CYP8B1: variants seen among roughly 807,000 people sequenced by gnomAD.
CYP8B1 encodes the protein 7-alpha-hydroxycholest-4-en-3-one 12-alpha-hydroxylase.
For missense variants in CYP8B1, 594 were observed against 643.7 expected, an observed-to-expected ratio of 0.92 and a Z score of 0.84; for synonymous variants, 221 against 251.2, an observed-to-expected ratio of 0.88 and a Z score of 1.14.
chr3:42,874,726 T>C lies in CYP8B1; in HGVS notation c.1091A>G (p.Tyr364Cys). 1 of 1,614,090 alleles carries C rather than the reference T, an allele frequency of 6.2e-7. No homozygotes were observed. The highest frequency in any genetic ancestry group is 8.5e-7 in the Non-Finnish European group (1 of 1,180,012). The change falls in exon 1 of 1, where the codon TAT becomes TGT. Residue 364 changes from tyrosine (Y) to cysteine (C), a missense_variant. Physicochemically the swap from Tyr to Cys is radical, Grantham distance 194. Coordinates refer to ENST00000316161, the MANE Select transcript of CYP8B1 (RefSeq NM_004391.3). ...CTGCCCACTGGACATCTTCAGGGTA[T>C]AGTCTTCATGAACCAACCTGAGGAG... ...PTLLRLVHEDYTLKMSSGQEY... is the reference protein window; with the variant it reads ...PTLLRLVHEDCTLKMSSGQEY...
At position 42,873,942 on chromosome 3, in the gene CYP8B1, T is replaced by C. The variant is rs1222291595; in HGVS notation, c.*369A>G. On this transcript the variant is annotated 3_prime_UTR_variant, in exon 1 of 1. Transcript: ENST00000316161. Reference sequence around the variant, plus strand: ...AAAAAACTAAAGCAAGCTGGGAGAGTGGAGGCTGATGTTTGCAAGATGCCA... The same window carrying C: ...AAAAAACTAAAGCAAGCTGGGAGAGCGGAGGCTGATGTTTGCAAGATGCCA... 5 of 234,290 alleles carry C rather than the reference T, an allele frequency of 2.1e-5. No homozygotes were observed. Among genetic ancestry groups the C allele is most frequent in the Non-Finnish European group, 4.1e-5 (5 of 120,514 alleles). The allele number at this position is 234,290 out of a possible 1,614,324, so 14.5% of individuals were successfully genotyped here. A position where few individuals can be genotyped will look rare whatever the true frequency, so the allele number is the denominator to read the frequency against.
chr3:42,875,792 C>T lies in CYP8B1; in HGVS notation c.25G>A (p.Gly9Arg). The change falls in exon 1 of 1, where the codon GGA (glycine) becomes AGA (arginine). Residue 9 changes from glycine (G) to arginine (R), a missense_variant. Physicochemically the swap from Gly to Arg is moderately radical, Grantham distance 125. Coordinates refer to ENST00000316161, the MANE Select transcript of CYP8B1 (RefSeq NM_004391.3). ...CCAGCAATGACCACCAGCAGAGCTC[C>T]CAGCACTGGACCCCAGAGAACCATG... MVLWGPVL[G>R]ALLVVIAGYL... 1 of 1,394,484 alleles carries T rather than the reference C, an allele frequency of 7.2e-7. No individual in the cohort carries two copies. The highest frequency in any genetic ancestry group is 9.3e-7 in the Non-Finnish European group (1 of 1,069,864). The allele number at this position is 1,394,484 out of a possible 1,614,324, so 86.4% of individuals were successfully genotyped here. A position where few individuals can be genotyped will look rare whatever the true frequency, so the allele number is the denominator to read the frequency against.
At position 42,872,869 on chromosome 3, in the gene CYP8B1, A is replaced by T. The variant is rs1482030727; in HGVS notation, c.*1442T>A. ...GTGTTCTGAGCAGAGAGAGCAGGGAAATCAGGAGGAGGAGTGGTTCAGGGA... is the reference window on the plus strand; with the variant it reads ...GTGTTCTGAGCAGAGAGAGCAGGGATATCAGGAGGAGGAGTGGTTCAGGGA... On this transcript the variant is annotated 3_prime_UTR_variant, in exon 1 of 1. Coordinates refer to ENST00000316161, the MANE Select transcript of CYP8B1 (RefSeq NM_004391.3). 6.6e-6 allele frequency: 1 copy of T among 152,526 alleles called. No individual in the cohort carries two copies. The highest frequency in any genetic ancestry group is 1.5e-5 in the Non-Finnish European group (1 of 68,378). The allele number at this position is 152,526 out of a possible 1,614,324, so 9.4% of individuals were successfully genotyped here. A position where few individuals can be genotyped will look rare whatever the true frequency, so the allele number is the denominator to read the frequency against.
rs749998299 is a variant in CYP8B1 at position 42,874,415 on chromosome 3, G to A, written c.1402C>T (p.Pro468Ser). ...TCAACATGGGGTAGTGGTGTGTCAG[G>A]GTCCACCAACTCTAAGTCAAAGTGT... The part of the protein sequence containing the change: ...VTHFDLELVD[P>S]DTPLPHVDPQ... The change falls in exon 1 of 1, where the codon CCT becomes TCT. Residue 468 changes from proline to serine, a missense_variant. By Grantham distance (74) the Pro-to-Ser change is moderately conservative (BLOSUM62 -1). Transcript: ENST00000316161. 1.2e-6 allele frequency: 2 copies of A among 1,613,902 alleles called. No individual in the cohort carries two copies. The highest frequency in any genetic ancestry group is 1.3e-5 in the African/African-American group (1 of 74,840).
At position 42,873,139 on chromosome 3, in the gene CYP8B1, T is replaced by G. The variant is rs1450615513; in HGVS notation, c.*1172A>C. Reference sequence around the variant, plus strand: ...GGCTCATGCCTGTAATCCCAGAACTTTGGGAGGCCGAGGAGGCCGGCCAAA... The same window carrying G: ...GGCTCATGCCTGTAATCCCAGAACTGTGGGAGGCCGAGGAGGCCGGCCAAA... On this transcript the variant is annotated 3_prime_UTR_variant, in exon 1 of 1. Coordinates refer to ENST00000316161, the MANE Select transcript of CYP8B1 (RefSeq NM_004391.3). The G allele has an allele frequency of 2.6e-5, 4 of 152,078 alleles. No individual in the cohort carries two copies. Among genetic ancestry groups the G allele is most frequent in the African/African-American group, 9.7e-5 (4 of 41,374 alleles). The allele number at this position is 152,078 out of a possible 1,614,324, so 9.4% of individuals were successfully genotyped here.
At position 42,875,839 on chromosome 3, in the gene CYP8B1, C is replaced by G; in HGVS notation, c.-23G>C. The stretch of plus-strand genomic sequence containing the variant: ...CATGGCTATGCTCCTGCGGATTAAG[C>G]TCTCGACACGCACACTGTTCCCTGG... On this transcript the variant is annotated 5_prime_UTR_variant, in exon 1 of 1. Transcript: ENST00000316161. 7.4e-7 allele frequency: 1 copy of G among 1,344,836 alleles called. No homozygotes were observed. Among genetic ancestry groups the G allele is most frequent in the Non-Finnish European group, 9.6e-7 (1 of 1,041,682 alleles). 83.3% of individuals were successfully genotyped at this position (1,344,836 alleles called of 1,614,324 possible). A position where few individuals can be genotyped will look rare whatever the true frequency, so the allele number is the denominator to read the frequency against.
Position 42,872,283 on chromosome 3 carries a change from G to A in CYP8B1, c.*2028C>T, listed in dbSNP as rs1476819898. ...CCAGTAGGCTCCAGTCTAGGGAAGT[G>A]GGCAGCAGGCAGAAACCAAGACACA... On this transcript the variant is annotated 3_prime_UTR_variant, in exon 1 of 1. Coordinates refer to ENST00000316161, the MANE Select transcript of CYP8B1 (RefSeq NM_004391.3). 6.6e-6 allele frequency: 1 copy of A among 152,380 alleles called. No homozygotes were observed. The highest frequency in any genetic ancestry group is 1.5e-5 in the Non-Finnish European group (1 of 68,178). The allele number at this position is 152,380 out of a possible 1,614,324, so 9.4% of individuals were successfully genotyped here.
Position 42,874,901 on chromosome 3 carries a change from G to A in CYP8B1, c.916C>T (p.Arg306Trp), listed in dbSNP as rs762230983. 1.2e-5 allele frequency: 19 copies of A among 1,599,870 alleles called. No homozygotes were observed. In the South Asian group the frequency reaches 1.2e-4, roughly 10 times the overall value. ...LYLLKHPEAI[R>W]AVREEATQVL... ...TGGGTAGCTTCCTCCCTCACAGCCCGAATAGCTTCTGGGTGCTTCAGGAGG... is the reference window on the plus strand; with the variant it reads ...TGGGTAGCTTCCTCCCTCACAGCCCAAATAGCTTCTGGGTGCTTCAGGAGG... The change falls in exon 1 of 1, where the codon CGG becomes TGG. Residue 306 changes from arginine to tryptophan, a missense_variant. Arg to Trp is a moderately radical substitution (Grantham distance 101). Coordinates refer to ENST00000316161, the MANE Select transcript of CYP8B1 (RefSeq NM_004391.3).
Position 42,874,114 on chromosome 3 carries a change from T to G in CYP8B1, c.*197A>C. 3 of 579,364 alleles carry G rather than the reference T, an allele frequency of 5.2e-6. No individual in the cohort carries two copies. The highest frequency in any genetic ancestry group is 6.1e-6 in the Non-Finnish European group (2 of 326,498). 35.9% of individuals were successfully genotyped at this position (579,364 alleles called of 1,614,324 possible). ...GTTCGGCAGAACCCACTCTGAGAGA[T>G]GGTATTTTAAAGAGAATGATAAGCC... On this transcript the variant is annotated 3_prime_UTR_variant, in exon 1 of 1. Coordinates refer to ENST00000316161, the MANE Select transcript of CYP8B1 (RefSeq NM_004391.3).
rs2088498194 is a variant in CYP8B1 at position 42,874,442 on chromosome 3, T to A, written c.1375A>T (p.Thr459Ser). The A allele has an allele frequency of 1.9e-6, 3 of 1,613,920 alleles. No homozygotes were observed. In the African/African-American group the frequency reaches 4.0e-5, roughly 22 times the overall value. Residue 459 changes from threonine to serine, a missense_variant, in exon 1 of 1, where the codon ACA (threonine) becomes TCA (serine). Physicochemically the swap from Thr to Ser is moderately conservative, Grantham distance 58. Transcript: ENST00000316161. Reference sequence around the variant, plus strand: ...TCCACCAACTCTAAGTCAAAGTGTGTGACCATAAGCAGGATAAAGAGCTTC... The same window carrying A: ...TCCACCAACTCTAAGTCAAAGTGTGAGACCATAAGCAGGATAAAGAGCTTC... ...EVKLFILLMV[T>S]HFDLELVDPD...
chr3:42,874,571 T>G lies in CYP8B1; in HGVS notation c.1246A>C (p.Lys416Gln). 6.2e-7 allele frequency: 1 copy of G among 1,614,142 alleles called. No homozygotes were observed. The highest frequency in any genetic ancestry group is 8.5e-7 in the Non-Finnish European group (1 of 1,180,028). ...TTGCCTGTCTTGAAGAAGTCCACTT[T>G]CCGGCTGCCATTAGGGTTGAGGAAG... is the stretch of plus-strand genomic sequence containing the variant. ...DRFLNPNGSRKVDFFKTGKKI... is the reference protein window; with the variant it reads ...DRFLNPNGSRQVDFFKTGKKI... The change falls in exon 1 of 1, where the codon AAA becomes CAA. Residue 416 changes from lysine (K) to glutamine (Q), a missense_variant. Transcript: ENST00000316161.
rs755254367 is a variant in CYP8B1, at chr3:42,874,698, C to G, written c.1119G>C (p.Glu373Asp). 6.2e-7 allele frequency: 1 copy of G among 1,614,010 alleles called. No homozygotes were observed. Among genetic ancestry groups the G allele is most frequent in the Non-Finnish European group, 8.5e-7 (1 of 1,179,994 alleles). Residue 373 changes from glutamate to aspartate, a missense_variant, in exon 1 of 1, where the codon GAG becomes GAC. By Grantham distance (45) the Glu-to-Asp change is conservative. Coordinates refer to ENST00000316161, the MANE Select transcript of CYP8B1 (RefSeq NM_004391.3). ...GGATGTCTCCATGGCGGAACAGATACTCCTGCCCACTGGACATCTTCAGGG... is the reference window on the plus strand; with the variant it reads ...GGATGTCTCCATGGCGGAACAGATAGTCCTGCCCACTGGACATCTTCAGGG... ...DYTLKMSSGQ[E>D]YLFRHGDILA...
chr3:42,874,188 A>G lies in CYP8B1; in HGVS notation c.*123T>C. The stretch of plus-strand genomic sequence containing the variant: ...GAGCGAGGACAGGCAGAACAGAGGT[A>G]GGGGGTGCCACAGGACCAGAGGGAG... On this transcript the variant is annotated 3_prime_UTR_variant, in exon 1 of 1. Transcript: ENST00000316161. 1.4e-6 allele frequency: 1 copy of G among 736,090 alleles called. No individual in the cohort carries two copies. The highest frequency in any genetic ancestry group is 2.7e-5 in the Admixed American group (1 of 37,292). The allele number at this position is 736,090 out of a possible 1,614,324, so 45.6% of individuals were successfully genotyped here.
In CYP8B1 at chr3:42,875,112, G is replaced by C. The variant is rs2088506240; in HGVS notation, c.705C>G (p.Leu235=). The C allele has an allele frequency of 6.2e-7, 1 of 1,613,448 alleles. No individual in the cohort carries two copies. The highest frequency in any genetic ancestry group is 1.1e-5 in the South Asian group (1 of 91,046). Residue 235 remains leucine (L), a synonymous_variant, in exon 1 of 1, where the codon CTC becomes CTG. Coordinates refer to ENST00000316161, the MANE Select transcript of CYP8B1 (RefSeq NM_004391.3). The part of the protein sequence containing the change: ...EWLEVGRLQR[L]FHKMLSVSHS... The stretch of plus-strand genomic sequence containing the variant: ...GGCTCACGGAGAGCATCTTGTGAAA[G>C]AGACGCTGGAGTCGGCCCACTTCTA...
chr3:42,874,767 C>T lies in CYP8B1; in HGVS notation c.1050G>A (p.Leu350=). Residue 350 remains leucine (L), a synonymous_variant, in exon 1 of 1, where the codon CTG becomes CTA. Transcript: ENST00000316161. ...LDSVVEETLR[L]RAAPTLLRLV... is the part of the protein sequence containing the mutation. ...ACCTGAGGAGGGTGGGTGCAGCCCT[C>T]AGCCGCAGCGTCTCCTCCACCACGC... 1 of 1,614,138 alleles carries T rather than the reference C, an allele frequency of 6.2e-7. No individual in the cohort carries two copies. The highest frequency in any genetic ancestry group is 8.5e-7 in the Non-Finnish European group (1 of 1,180,010).
At position 42,873,948 on chromosome 3, in the gene CYP8B1, C is replaced by T. The variant is rs1345438011; in HGVS notation, c.*363G>A. On this transcript the variant is annotated 3_prime_UTR_variant, in exon 1 of 1. Transcript: ENST00000316161. Reference sequence around the variant, plus strand: ...CTAAAGCAAGCTGGGAGAGTGGAGGCTGATGTTTGCAAGATGCCATGTTAC... The same window carrying T: ...CTAAAGCAAGCTGGGAGAGTGGAGGTTGATGTTTGCAAGATGCCATGTTAC... 8.1e-6 allele frequency: 2 copies of T among 247,694 alleles called. No individual in the cohort carries two copies. Among genetic ancestry groups the T allele is most frequent in the Non-Finnish European group, 1.6e-5 (2 of 128,766 alleles). 15.3% of individuals were successfully genotyped at this position (247,694 alleles called of 1,614,324 possible). A position where few individuals can be genotyped will look rare whatever the true frequency, so the allele number is the denominator to read the frequency against.
rs1042269615 is a variant in CYP8B1, at chr3:42,873,169, T to C, written c.*1142A>G. The C allele has an allele frequency of 5.3e-5, 8 of 152,018 alleles. No homozygotes were observed. The highest frequency in any genetic ancestry group is 1.9e-4 in the African/African-American group (8 of 41,352). The allele number at this position is 152,018 out of a possible 1,614,324, so 9.4% of individuals were successfully genotyped here. On this transcript the variant is annotated 3_prime_UTR_variant, in exon 1 of 1. Transcript: ENST00000316161. Reference sequence around the variant, plus strand: ...AGGCCGAGGAGGCCGGCCAAAATGGTGAAACGCCGTCTCTACTAAAAATAC... The same window carrying C: ...AGGCCGAGGAGGCCGGCCAAAATGGCGAAACGCCGTCTCTACTAAAAATAC...
In CYP8B1 at chr3:42,873,981, T is replaced by TG. The variant is rs2088492976; in HGVS notation, c.*329dup. Reference sequence around the variant, plus strand: ...TGCAAGATGCCATGTTACTCGTGTCTGGGGGGAACCAGTCTCTGTACTCAG... The same window carrying TG: ...TGCAAGATGCCATGTTACTCGTGTCTGGGGGGGAACCAGTCTCTGTACTCAG... On this transcript the variant is annotated 3_prime_UTR_variant, in exon 1 of 1. Coordinates refer to ENST00000316161, the MANE Select transcript of CYP8B1 (RefSeq NM_004391.3). 1.3e-5 allele frequency: 4 copies of TG among 313,464 alleles called. No homozygotes were observed. Among genetic ancestry groups the TG allele is most frequent in the African/African-American group, 2.1e-5 (1 of 47,360 alleles). 19.4% of individuals were successfully genotyped at this position (313,464 alleles called of 1,614,324 possible).
At position 42,874,359 on chromosome 3, in the gene CYP8B1, C is replaced by T; in HGVS notation, c.1458G>A (p.Gln486=). ...AGCGGAAGCGCACATCGTGGCTGGG[C>T]TGCATGGTGCCAAAACCCCAGCGCT... ...DPQRWGFGTM[Q]PSHDVRFRYR... is the part of the protein sequence containing the mutation. The change falls in exon 1 of 1, where the codon CAG becomes CAA. Residue 486 remains glutamine (Q), a synonymous_variant. Coordinates refer to ENST00000316161, the MANE Select transcript of CYP8B1 (RefSeq NM_004391.3). 1 of 1,614,102 alleles carries T rather than the reference C, an allele frequency of 6.2e-7. No individual in the cohort carries two copies. Among genetic ancestry groups the T allele is most frequent in the Non-Finnish European group, 8.5e-7 (1 of 1,179,996 alleles).
Sources: allele counts gnomAD v4.1 joint callset, GRCh38; gene constraint gnomAD v4.1.1; transcripts MANE v1.5; gene names NCBI Gene and HGNC (gene_info 2026-07-23, HGNC 2026-07-21).